The following DNAH9 variants were observed in gnomAD, a reference collection of about 807,000 sequenced individuals.
DNAH9 encodes DNAH9 variant protein.
A neutral mutation model predicts 471.6 loss-of-function variants in DNAH9; 345 were observed. The observed-to-expected ratio is 0.73, with a 90% confidence interval of 0.67 to 0.80. DNAH9 has a LOEUF of 0.80. Among genes scored for constraint, DNAH9 ranks in the 30% least tolerant of loss-of-function variants. The probability of loss-of-function intolerance (pLI) is 0.00; values close to 1 mark genes in which losing one functional copy is unlikely to be tolerated. For missense variants in DNAH9, 5,407 were observed against 5,609.2 expected, an observed-to-expected ratio of 0.96 and a Z score of 1.15; for synonymous variants, 2,093 against 2,123.6, an observed-to-expected ratio of 0.99 and a Z score of 0.40.
intron 49 of DNAH9, among the ~76,000 whole-genome samples, chr17:11,835,314 G>C (rs538778531): frequency 1.3e-5 from 2 of 152,320 alleles, no homozygotes; most frequent in Admixed American, 1.3e-4. Flanking sequence ...TTTAGGTTCT[G>C]TGGGACACAC....
intron 38 of DNAH9, among the ~76,000 whole-genome samples, chr17:11,780,429 G>A (rs984545389): frequency 1.3e-5 from 2 of 152,242 alleles, no homozygotes; most frequent in African/African-American, 4.8e-5. Context: ...CCCAGCCCTG[G>A]AAGGGGAGCG....
intron 17 of DNAH9, among the ~76,000 whole-genome samples, chr17:11,675,821 T>C (rs2074040121): frequency 6.6e-6 from 1 of 152,234 alleles, no homozygotes; most frequent in Non-Finnish European, 1.5e-5. Context: ...CTCTGGCTTA[T>C]TGTGTTTGCA....
chr17:11,844,302 T>C (rs1428480143), intron 49 of DNAH9, among the ~76,000 whole-genome samples: 3 of 152,190 alleles, frequency 2.0e-5, no homozygotes, highest in Non-Finnish European at 2.9e-5. Context: ...TAATTTATTA[T>C]AATCTTGAAG....
chr17:11,647,629 A>G (rs1310335848), intron 12 of DNAH9, among the ~76,000 whole-genome samples: 3 of 152,198 alleles, frequency 2.0e-5, no homozygotes, highest in Non-Finnish European at 4.4e-5. Flanking sequence ...CCTTGAACTT[A>G]CCATGTCTGA....
intron 19 of DNAH9, 30 bp from the exon 20 acceptor site, chr17:11,689,536 A>G (rs1403254950): frequency 6.3e-7 from 1 of 1,577,786 alleles, no homozygotes; most frequent in South Asian, 1.2e-5. Context: ...TGCGTGCCAT[A>G]CTTACAAAGG....
chr17:11,886,506 CTTTT>C (rs55645155), intron 56 of DNAH9, among the ~76,000 whole-genome samples: 1 of 127,288 alleles, frequency 7.9e-6, no homozygotes. Flanking sequence ...TTGAGTCATA[CTTTT>C]TTTTTTTTTT....
At chr17:11,902,392 C>A (rs1973442867) in intron 59 of DNAH9, among the ~76,000 whole-genome samples, 1 of 152,230 alleles carries the variant, frequency 6.6e-6, no homozygotes, top group African/African-American at 2.4e-5. Flanking sequence ...GGTGTCCAAG[C>A]TTCAAGACCA....
chr17:11,944,024 A>G (rs974373172), intron 67 of DNAH9, among the ~76,000 whole-genome samples: 5 of 152,234 alleles, frequency 3.3e-5, no homozygotes, highest in African/African-American at 1.2e-4. Context: ...CTGTTTACCC[A>G]TTCGACTTCC....
At chr17:11,673,757 A>C (rs973149766) in intron 17 of DNAH9, among the ~76,000 whole-genome samples, 6 of 152,140 alleles carry the variant, frequency 3.9e-5, no homozygotes, top group Admixed American at 6.5e-5. Flanking sequence ...TATATTTTAA[A>C]GTTTAAATCC....
intron 48 of DNAH9, among the ~76,000 whole-genome samples, chr17:11,832,504 G>A (rs1315334830): frequency 6.6e-6 from 1 of 152,224 alleles, no homozygotes. Flanking sequence ...AACAACAGGA[G>A]ATGGAAATGG....
Position 11,738,968 on chromosome 17 carries a change from T to A in DNAH9, c.5903T>A (p.Ile1968Asn). 1 of 1,614,116 alleles carries A rather than the reference T, an allele frequency of 6.2e-7. No individual in the cohort carries two copies. Residue 1968 changes from isoleucine to asparagine, a missense_variant, in exon 29 of 69, where the codon ATC (isoleucine) becomes AAC (asparagine). Physicochemically the swap from Ile to Asn is moderately radical, Grantham distance 149. Around this residue, in one of 3 missense-constraint regions of DNAH9, gnomAD observed 4,636 missense variants for 4,900.3 expected, o/e 0.95. Coordinates refer to ENST00000262442, the MANE Select transcript of DNAH9 (RefSeq NM_001372.4). ...EEISLNPSVG[I>N]FITMNPGYAG... ...ATCAGCCTGAATCCTTCTGTCGGTA[T>A]CTTCATCACCATGAACCCAGGCTAT...
intron 12 of DNAH9, among the ~76,000 whole-genome samples, chr17:11,649,087 A>G (rs2073449075): frequency 6.6e-6 from 1 of 151,216 alleles, no homozygotes; most frequent in South Asian, 2.1e-4. Flanking sequence ...AGATTGCGCC[A>G]TTGCACTCCA....
At chr17:11,918,743 T>C (rs1397662574) in intron 61 of DNAH9, among the ~76,000 whole-genome samples, 2 of 152,088 alleles carry the variant, frequency 1.3e-5, no homozygotes, top group African/African-American at 4.8e-5. Flanking sequence ...CCCAGCACTT[T>C]GGGAGGCCAA....
chr17:11,822,151 T>A, intron 46 of DNAH9, 89 bp downstream of exon 46: 1 of 1,468,230 alleles, frequency 6.8e-7, no homozygotes, highest in Non-Finnish European at 9.2e-7. Context: ...CTGTCCTTAT[T>A]GATTGTCTAG....
intron 28 of DNAH9, among the ~76,000 whole-genome samples, chr17:11,731,731 A>G (rs894261301): frequency 6.6e-6 from 1 of 151,962 alleles, no homozygotes; most frequent in Admixed American, 6.6e-5. Context: ...ACATGAACTC[A>G]TCATTTTTTA....
chr17:11,843,826 T>C (rs1439699204), intron 49 of DNAH9, among the ~76,000 whole-genome samples: 1 of 139,960 alleles, frequency 7.1e-6, no homozygotes, highest in Non-Finnish European at 1.5e-5. Context: ...TTTGTATATA[T>C]ACATGTATAT....
intron 14 of DNAH9, among the ~76,000 whole-genome samples, chr17:11,654,913 C>T (rs2150707189): frequency 6.6e-6 from 1 of 152,248 alleles, no homozygotes; most frequent in Middle Eastern, 3.4e-3. Context: ...TATTACACAA[C>T]CTCCAGGGTA....
chr17:11,619,536 T>C lies in DNAH9; in HGVS notation c.1117-12T>C. On this transcript the variant is annotated splice_polypyrimidine_tract_variant and intron_variant, in intron 5 of 68. Coordinates refer to ENST00000262442, the MANE Select transcript of DNAH9 (RefSeq NM_001372.4). ...GCACCTGCTCAGTGATACTAATCTG[T>C]TTGTATACCAGGCCTCTAATTATCT... 1 of 1,541,616 alleles carries C rather than the reference T, an allele frequency of 6.5e-7. No individual in the cohort carries two copies. The highest frequency in any genetic ancestry group is 9.0e-7 in the Non-Finnish European group (1 of 1,114,218).
intron 26 of DNAH9, among the ~76,000 whole-genome samples, chr17:11,714,082 A>G (rs1423182430): frequency 6.6e-6 from 1 of 152,246 alleles, no homozygotes; most frequent in East Asian, 1.9e-4. Flanking sequence ...TTATGCTAAG[A>G]ACAAAAAATT....
Sources: gnomAD v4.1 joint callset for allele counts (sites outside exome capture counted in the v4.1 genomes callset) on GRCh38, gnomAD v4.1.1 for gene constraint, gnomAD v4.1.1 regional missense constraint, MANE v1.5 for transcripts, NCBI Gene and HGNC (gene_info 2026-07-23, HGNC 2026-07-21) for gene names.